Variants in KIAA1671 observed in about 807,000 individuals in gnomAD.
KIAA1671 encodes uncharacterized protein KIAA1671.
Under a neutral mutation model 131.2 loss-of-function variants are expected in KIAA1671, and 52 were observed. The ratio of observed to expected loss-of-function variants is 0.40; its 90% CI spans 0.32 to 0.50. The LOEUF is 0.50. Among genes scored for constraint, KIAA1671 ranks in the 20% least tolerant of loss-of-function variants. The probability of loss-of-function intolerance (pLI) is 0.73; values close to 1 mark genes in which losing one functional copy is unlikely to be tolerated. For missense variants in KIAA1671, 2,360 were observed against 2,364.2 expected (o/e 1.00, Z 0.04); for synonymous variants, 1,003 against 961.6 (o/e 1.04, Z -0.80).
intron 6 of KIAA1671, among the ~76,000 whole-genome samples, chr22:25,149,803 T>A (rs969947944): frequency 1.3e-5 from 2 of 151,822 alleles, no homozygotes; most frequent in African/African-American, 4.8e-5. Context: ...AATTCTGTTA[T>A]ATAAGTCGCA....
chr22:24,961,654 A>G (rs1922024788), intron 1 of KIAA1671, among the ~76,000 whole-genome samples: 1 of 152,340 alleles, frequency 6.6e-6, no homozygotes, highest in South Asian at 2.1e-4. Context: ...CTCCGTTCTG[A>G]ACTGAGAAGC....
Position 25,042,965 on chromosome 22 carries a change from C to T in KIAA1671, c.4395+1440C>T, listed in dbSNP as rs1927031560. ...CTGGAGTATGTATTTTCCAATCCCT[C>T]TGTCCTTGCCTGAGGCTGTTTGTGG... On this transcript the variant is annotated intron_variant, in intron 5 of 12. Coordinates refer to ENST00000358431, the MANE Select transcript of KIAA1671 (RefSeq NM_001145206.2). 2.6e-5 allele frequency among the ~76,000 whole-genome samples: 4 copies of T among 152,138 alleles called. No homozygotes were observed. In the South Asian group the frequency reaches 8.3e-4, roughly 32 times the overall value.
chr22:25,008,942 G>A (rs778505773), intron 1 of KIAA1671, among the ~76,000 whole-genome samples: 19 of 152,238 alleles, frequency 1.2e-4, no homozygotes, highest in Non-Finnish European at 1.9e-4. Context: ...TGGAGCCTTC[G>A]ACTTAGGTGT....
chr22:24,977,600 C>T (rs561320319), intron 1 of KIAA1671, among the ~76,000 whole-genome samples: 2 of 152,326 alleles, frequency 1.3e-5, no homozygotes, highest in East Asian at 1.9e-4. Context: ...AAGGGCCCCA[C>T]GGGTCTGATG....
chr22:25,001,554 G>A (rs944721809), intron 1 of KIAA1671, among the ~76,000 whole-genome samples: 2 of 152,210 alleles, frequency 1.3e-5, no homozygotes, highest in African/African-American at 4.8e-5. Flanking sequence ...GTGGTGGTCT[G>A]GACTGGGGTG....
chr22:25,093,804 C>G (rs1568951385), intron 6 of KIAA1671, among the ~76,000 whole-genome samples: 6 of 137,880 alleles, frequency 4.4e-5, no homozygotes, highest in African/African-American at 1.1e-4. Flanking sequence ...CTCTCTCTCT[C>G]TCTCTCTGTC....
chr22:24,979,513 C>A (rs1200799650), intron 1 of KIAA1671, among the ~76,000 whole-genome samples: 1 of 151,250 alleles, frequency 6.6e-6, no homozygotes, highest in South Asian at 2.1e-4. Flanking sequence ...CCGCGCCCGG[C>A]TAATTTTTTG....
At chr22:25,173,083 G>A (rs1933904609) in intron 7 of KIAA1671, among the ~76,000 whole-genome samples, 1 of 152,172 alleles carries the variant, frequency 6.6e-6, no homozygotes, top group Admixed American at 6.6e-5. Context: ...GAAGGTGAAG[G>A]GGAAGCAAGG....
At chr22:24,969,529 G>C (rs1262199247) in intron 1 of KIAA1671, among the ~76,000 whole-genome samples, 1 of 152,162 alleles carries the variant, frequency 6.6e-6, no homozygotes, top group African/African-American at 2.4e-5. Context: ...TCCGAGCTTG[G>C]TTGAATCCTT....
rs185113482 is a variant in KIAA1671 at position 25,164,672 on chromosome 22, C to T, written c.4531-6148C>T. Among the ~76,000 whole-genome samples the T allele has an allele frequency of 1.8e-3, 279 of 152,098 alleles. 3 individuals are homozygous for T. In the South Asian group the frequency reaches 0.032, roughly 17 times the overall value. ...TTGTAGAAAGTGAGTTGCAGGGGCC[C>T]GGTATGGTGGCTCATGCCTGTAATC... On this transcript the variant is annotated intron_variant, in intron 6 of 12. Transcript: ENST00000358431.
At chr22:25,075,437 C>T (rs907632722) in intron 6 of KIAA1671, among the ~76,000 whole-genome samples, 5 of 151,964 alleles carry the variant, frequency 3.3e-5, no homozygotes, top group African/African-American at 4.8e-5. Flanking sequence ...TGTATTTTTT[C>T]GCTTTTAGTT....
intron 6 of KIAA1671, chr22:25,070,346 A>G (rs780102974): frequency 2.1e-5 from 10 of 472,278 alleles, no homozygotes; most frequent in South Asian, 4.8e-5. Flanking sequence ...TGCTCACCAC[A>G]TAACCTCTGG....
intron 6 of KIAA1671, among the ~76,000 whole-genome samples, chr22:25,104,427 TGGAGGTGGGAGA>T (rs1286026671): frequency 6.6e-6 from 1 of 152,168 alleles, no homozygotes; most frequent in African/African-American, 2.4e-5. Context: ...AAGGTTGTCT[TGGAGGTGGGAGA>T]GGAGGGGAAG....
chr22:25,178,567 C>G (rs1467717088), intron 9 of KIAA1671, among the ~76,000 whole-genome samples: 1 of 152,270 alleles, frequency 6.6e-6, no homozygotes, highest in African/African-American at 2.4e-5. Flanking sequence ...CTTTGGAACT[C>G]TTGCACTTCT....
intron 6 of KIAA1671, among the ~76,000 whole-genome samples, chr22:25,108,289 G>C (rs998321097): frequency 1.3e-5 from 2 of 152,190 alleles, no homozygotes; most frequent in African/African-American, 2.4e-5. Flanking sequence ...CCGATGTCCA[G>C]ATGGTCTGTT....
chr22:25,163,117 C>T (rs1445861756), intron 6 of KIAA1671, among the ~76,000 whole-genome samples: 2 of 151,962 alleles, frequency 1.3e-5, no homozygotes, highest in Admixed American at 6.6e-5. Context: ...CGCTTGAGCC[C>T]AGGAATTCAA....
intron 11 of KIAA1671, among the ~76,000 whole-genome samples, chr22:25,187,417 G>T (rs1275641802): frequency 6.6e-6 from 1 of 152,120 alleles, no homozygotes; most frequent in Non-Finnish European, 1.5e-5. Context: ...TGATTCCCCT[G>T]CTCCATGTTC....
At chr22:25,005,707 A>G (rs1192037421) in intron 1 of KIAA1671, among the ~76,000 whole-genome samples, 1 of 152,230 alleles carries the variant, frequency 6.6e-6, no homozygotes, top group East Asian at 1.9e-4. Flanking sequence ...AAGGTCATAC[A>G]TAGTTCCTTC....
At chr22:25,173,477 T>C (rs1008200202) in intron 7 of KIAA1671, among the ~76,000 whole-genome samples, 2 of 152,192 alleles carry the variant, frequency 1.3e-5, no homozygotes, top group Non-Finnish European at 2.9e-5. Flanking sequence ...TGCTCTTCCA[T>C]AGGTAACTGC....
Sources: allele counts gnomAD v4.1 joint callset (sites outside exome capture counted in the v4.1 genomes callset), GRCh38; gene constraint gnomAD v4.1.1; transcripts MANE v1.5; gene names NCBI Gene and HGNC (gene_info 2026-07-23, HGNC 2026-07-21).